SVEP1: variants seen among roughly 807,000 people sequenced by gnomAD.
SVEP1 encodes sushi, von Willebrand factor type A, EGF and pentraxin domain-containing protein 1.
In SVEP1, 164 loss-of-function variants were observed where a neutral mutation model predicts 367.3. The ratio of observed to expected loss-of-function variants is 0.45; its 90% CI spans 0.39 to 0.51. The LOEUF is 0.51. SVEP1 is among the 20% of genes least tolerant of loss of function. The pLI is 0.00. For synonymous variants in SVEP1, 1,666 were observed against 1,611.6 expected, an observed-to-expected ratio of 1.03 and a Z score of -0.81; for missense variants, 4,117 against 4,425.3, an observed-to-expected ratio of 0.93 and a Z score of 1.98.
At chr9:110,390,167 ATAAG>A (rs1321351902) in intron 40 of SVEP1, among the ~76,000 whole-genome samples, 6 of 67,972 alleles carry the variant, frequency 8.8e-5, no homozygotes, top group Admixed American at 1.8e-4. Flanking sequence ...ACATACTTAT[ATAAG>A]TATGTATGTA....
intron 13 of SVEP1, among the ~76,000 whole-genome samples, chr9:110,478,373 T>C (rs1266733448): frequency 2.0e-5 from 3 of 152,224 alleles, no homozygotes; most frequent in African/African-American, 7.2e-5. Flanking sequence ...CAGATCTAAA[T>C]CCCTAGTGTC....
At chr9:110,374,881 T>C (rs1827325493) in intron 46 of SVEP1, among the ~76,000 whole-genome samples, 1 of 152,154 alleles carries the variant, frequency 6.6e-6, no homozygotes, top group South Asian at 2.1e-4. Context: ...TGCTCGTGTA[T>C]GTTCATTTCA....
At chr9:110,551,700 TTGA>T (rs1375589678) in intron 1 of SVEP1, among the ~76,000 whole-genome samples, 1 of 152,098 alleles carries the variant, frequency 6.6e-6, no homozygotes, top group Non-Finnish European at 1.5e-5. Flanking sequence ...AGCTGCCCTC[TTGA>T]TGAATGACAG....
intron 1 of SVEP1, among the ~76,000 whole-genome samples, chr9:110,574,118 A>T (rs1393999125): frequency 6.6e-6 from 1 of 152,240 alleles, no homozygotes; most frequent in Non-Finnish European, 1.5e-5. Flanking sequence ...TTGTTTGGTC[A>T]GTCCCATCTG....
At chr9:110,372,684 T>G (rs1384808082) in intron 46 of SVEP1, among the ~76,000 whole-genome samples, 1 of 152,016 alleles carries the variant, frequency 6.6e-6, no homozygotes, top group Non-Finnish European at 1.5e-5. Context: ...GAGGCTAGAA[T>G]AGGTGGAGGA....
intron 1 of SVEP1, among the ~76,000 whole-genome samples, chr9:110,553,763 G>A (rs1175308606): frequency 1.3e-5 from 2 of 152,258 alleles, no homozygotes; most frequent in African/African-American, 4.8e-5. Flanking sequence ...CTAGAACAGT[G>A]CTTGACAAAT....
At chr9:110,418,734 C>G (rs538754370) in intron 36 of SVEP1, among the ~76,000 whole-genome samples, 1,698 of 59,594 alleles carry the variant, frequency 0.028, 74 homozygotes, top group Non-Finnish European at 0.037. Flanking sequence ...GGGTTACCCT[C>G]AAAGGAAAGC....
At chr9:110,480,651 CA>C (rs1401469674) in intron 12 of SVEP1, among the ~76,000 whole-genome samples, 4 of 151,584 alleles carry the variant, frequency 2.6e-5, no homozygotes, top group African/African-American at 9.7e-5. Flanking sequence ...TTTTTTTGTG[CA>C]ACAGGGTCTC....
At chr9:110,513,174 T>C in intron 4 of SVEP1, 69 bp from the exon 5 acceptor site, 2 of 1,453,508 alleles carry the variant, frequency 1.4e-6, no homozygotes, top group Non-Finnish European at 9.2e-7. Context: ...CTTTTTTTTT[T>C]TTCTTTCAAG....
At chr9:110,511,130 G>A (rs891183458) in intron 5 of SVEP1, among the ~76,000 whole-genome samples, 1 of 152,028 alleles carries the variant, frequency 6.6e-6, no homozygotes, top group African/African-American at 2.4e-5. Context: ...GTTTTTCTAG[G>A]GCATTCAGAA....
chr9:110,557,483 G>GCCTC (rs938083590), intron 1 of SVEP1, among the ~76,000 whole-genome samples: 14 of 143,082 alleles, frequency 9.8e-5, no homozygotes, highest in South Asian at 2.3e-4. Context: ...CTCCCTTCCT[G>GCCTC]CCTCCCTCCC....
intron 5 of SVEP1, among the ~76,000 whole-genome samples, chr9:110,511,086 G>T (rs2118771473): frequency 6.6e-6 from 1 of 152,302 alleles, no homozygotes; most frequent in Middle Eastern, 3.4e-3. Context: ...GGTAGGTAGT[G>T]TTGTTTCTAA....
At chr9:110,549,559 A>G (rs572760592) in intron 2 of SVEP1, among the ~76,000 whole-genome samples, 145 of 152,306 alleles carry the variant, frequency 9.5e-4, no homozygotes, top group African/African-American at 3.3e-3. Context: ...GTGTGGCCTC[A>G]AAACACACCT....
Position 110,489,791 on chromosome 9 carries a change from A to G in SVEP1, c.1801-12T>C. ...ACGTGGACTGACACCTATTGGAGAT[A>G]CACAAATATTTTGAAAGTTAATGTC... On this transcript the variant is annotated splice_polypyrimidine_tract_variant and intron_variant, in intron 8 of 47. Transcript: ENST00000374469. The G allele has an allele frequency of 6.3e-7, 1 of 1,596,650 alleles. No homozygotes were observed. Among genetic ancestry groups the G allele is most frequent in the Non-Finnish European group, 8.5e-7 (1 of 1,172,434 alleles).
rs559589088 is a variant in SVEP1, at chr9:110,416,544, G to C, written c.5976-4809C>G. Among the ~76,000 whole-genome samples the C allele has an allele frequency of 6.6e-5, 10 of 151,906 alleles. No individual in the cohort carries two copies. In the East Asian group the frequency reaches 1.7e-3, roughly 26 times the overall value. On this transcript the variant is annotated intron_variant, in intron 36 of 47. Coordinates refer to ENST00000374469, the MANE Select transcript of SVEP1 (RefSeq NM_153366.4). ...AATGAAAAGGCCCAACATATATCTA[G>C]TAAGACATCCATAAAGATATAAAAG...
chr9:110,549,561 A>T (rs1830257618), intron 2 of SVEP1, among the ~76,000 whole-genome samples: 2 of 152,176 alleles, frequency 1.3e-5, no homozygotes, highest in African/African-American at 4.8e-5. Context: ...GTGGCCTCAA[A>T]ACACACCTAA....
intron 5 of SVEP1, 99 bp downstream of exon 5, chr9:110,512,827 A>G (rs1329446093): frequency 1.4e-6 from 2 of 1,416,846 alleles, no homozygotes; most frequent in Admixed American, 1.8e-5. Context: ...GGTCTATGAA[A>G]TCCAAAAAGA....
intron 3 of SVEP1, among the ~76,000 whole-genome samples, chr9:110,543,935 T>C (rs80008410): frequency 1.3e-5 from 2 of 151,996 alleles, no homozygotes; most frequent in African/African-American, 2.4e-5. Flanking sequence ...ACCCCCCACC[T>C]TTTTTCTGCT....
At chr9:110,366,803 A>G (rs915677861) in intron 47 of SVEP1, among the ~76,000 whole-genome samples, 1 of 152,322 alleles carries the variant, frequency 6.6e-6, no homozygotes. Context: ...TTCTGCCACT[A>G]GTTTTCTATC....
Sources: allele counts gnomAD v4.1 joint callset (sites outside exome capture counted in the v4.1 genomes callset), GRCh38; gene constraint gnomAD v4.1.1; transcripts MANE v1.5; gene names NCBI Gene and HGNC (gene_info 2026-07-23, HGNC 2026-07-21).